Variants in ZC3H3 observed in about 807,000 individuals in gnomAD.
The protein encoded by ZC3H3 is zinc finger CCCH domain-containing protein 3.
A neutral mutation model predicts 77.3 loss-of-function variants in ZC3H3; 36 were observed. That is an observed-to-expected ratio of 0.47 (90% CI 0.36 to 0.61). The LOEUF is 0.61. Ranked by LOEUF, ZC3H3 falls within the 20% of genes least tolerant of loss-of-function variation. The pLI, the probability that ZC3H3 is intolerant of heterozygous loss-of-function variation, is 0.00. For synonymous variants in ZC3H3, 626 were observed against 555.2 expected (o/e 1.13, Z -1.79); for missense variants, 1,331 against 1,312.2 (o/e 1.01, Z -0.22).
At chr8:143,450,878 G>A (rs575468131) in intron 9 of ZC3H3, among the ~76,000 whole-genome samples, 2 of 152,326 alleles carry the variant, frequency 1.3e-5, no homozygotes, top group Admixed American at 6.5e-5. Context: ...ACTGCTAGCT[G>A]TGGATCTGCA....
At position 143,507,812 on chromosome 8, in the gene ZC3H3, G is replaced by A. The variant is rs1402925767; in HGVS notation, c.1649C>T (p.Pro550Leu). Residue 550 changes from proline to leucine, a missense_variant, in exon 4 of 12, where the codon CCT becomes CTT. By Grantham distance (98) the Pro-to-Leu change is moderately conservative (BLOSUM62 -3). Transcript: ENST00000262577. ...CAGGGGGAAGGGCGGGGCGCTGAGAGGCGAGGCCGGCGTCTTCTTGACAAT... is the reference window on the plus strand; with the variant it reads ...CAGGGGGAAGGGCGGGGCGCTGAGAAGCGAGGCCGGCGTCTTCTTGACAAT... Reference protein sequence around the residue: ...YRIVKKTPASPLSAPPFPLSL... With the variant: ...YRIVKKTPASLLSAPPFPLSL... 2.5e-6 allele frequency: 4 copies of A among 1,607,820 alleles called. No homozygotes were observed. Among genetic ancestry groups the A allele is most frequent in the Non-Finnish European group, 3.4e-6 (4 of 1,178,374 alleles).
At chr8:143,532,160 C>T (rs1335738686) in intron 3 of ZC3H3, among the ~76,000 whole-genome samples, 1 of 152,260 alleles carries the variant, frequency 6.6e-6, no homozygotes, top group Non-Finnish European at 1.5e-5. Context: ...GATACTGGCC[C>T]AGCATTAGCA....
intron 4 of ZC3H3, among the ~76,000 whole-genome samples, chr8:143,495,497 C>G (rs1031110897): frequency 6.6e-6 from 1 of 152,210 alleles, no homozygotes; most frequent in African/African-American, 2.4e-5. Flanking sequence ...GGGATGGAGG[C>G]CTCTACCGGG....
chr8:143,510,506 C>T (rs1437792227), intron 3 of ZC3H3, among the ~76,000 whole-genome samples: 1 of 152,260 alleles, frequency 6.6e-6, no homozygotes, highest in East Asian at 1.9e-4. Context: ...GGGCACCCAG[C>T]GACTGGCAGG....
At chr8:143,540,886 G>A (rs1302358524) in intron 1 of ZC3H3, among the ~76,000 whole-genome samples, 2 of 152,150 alleles carry the variant, frequency 1.3e-5, no homozygotes. Flanking sequence ...AACCCAGGAT[G>A]AGGAGATTGC....
intron 4 of ZC3H3, among the ~76,000 whole-genome samples, chr8:143,502,677 C>A (rs1479380850): frequency 6.6e-6 from 1 of 152,230 alleles, no homozygotes; most frequent in Non-Finnish European, 1.5e-5. Flanking sequence ...AAGTGACAAG[C>A]AGTTAGGGAT....
At chr8:143,468,748 G>C in intron 5 of ZC3H3, 89 bp from the exon 6 acceptor site, 2 of 1,461,818 alleles carry the variant, frequency 1.4e-6, no homozygotes, top group South Asian at 2.7e-5. Context: ...AGGCCCTCAG[G>C]GGTCCCAACA....
At chr8:143,499,794 T>G (rs1563862674) in intron 4 of ZC3H3, among the ~76,000 whole-genome samples, 1 of 152,102 alleles carries the variant, frequency 6.6e-6, no homozygotes, top group Non-Finnish European at 1.5e-5. Flanking sequence ...TCAGCACTCT[T>G]GGCAAAGGCC....
intron 9 of ZC3H3, among the ~76,000 whole-genome samples, chr8:143,448,328 C>G (rs946311540): frequency 6.6e-6 from 1 of 151,618 alleles, no homozygotes; most frequent in African/African-American, 2.4e-5. Context: ...AGAGACCAGG[C>G]AAGTCCTTTC....
chr8:143,481,933 C>T (rs1047179365), intron 4 of ZC3H3, among the ~76,000 whole-genome samples: 7 of 152,264 alleles, frequency 4.6e-5, no homozygotes, highest in East Asian at 1.9e-4. Context: ...AGCCCCAGGC[C>T]GGCACTGAGC....
intron 9 of ZC3H3, among the ~76,000 whole-genome samples, chr8:143,451,210 G>A (rs151179068): frequency 5.3e-5 from 8 of 152,204 alleles, no homozygotes; most frequent in Admixed American, 3.9e-4. Context: ...ACAGGAGCCC[G>A]GGGAAAACCT....
At chr8:143,445,321 C>T (rs182104657) in intron 9 of ZC3H3, among the ~76,000 whole-genome samples, 2 of 150,794 alleles carry the variant, frequency 1.3e-5, no homozygotes, top group African/African-American at 4.9e-5. Flanking sequence ...GTGGAGGCTG[C>T]AGTGAGCCCA....
chr8:143,454,343 G>A (rs1431364952), intron 9 of ZC3H3, among the ~76,000 whole-genome samples: 2 of 151,276 alleles, frequency 1.3e-5, no homozygotes. Flanking sequence ...TGCCCACCTT[G>A]GCCTTCCAAA....
In ZC3H3 at chr8:143,491,679, C is replaced by T. The variant is rs192277582; in HGVS notation, c.1715+16067G>A. Reference sequence around the variant, plus strand: ...CTGGACTCACGGGTCCCTCTGCCACCGTCGCCCAGCAGGCCATGCTCTCAC... The same window carrying T: ...CTGGACTCACGGGTCCCTCTGCCACTGTCGCCCAGCAGGCCATGCTCTCAC... On this transcript the variant is annotated intron_variant, in intron 4 of 11. Transcript: ENST00000262577. Among the ~76,000 whole-genome samples the T allele has an allele frequency of 1.8e-3, 276 of 152,366 alleles. 1 individual carries two copies. The highest frequency in any genetic ancestry group is 6.5e-3 in the African/African-American group (269 of 41,588).
intron 3 of ZC3H3, among the ~76,000 whole-genome samples, chr8:143,529,361 G>A (rs1445378543): frequency 6.6e-6 from 1 of 152,186 alleles, no homozygotes; most frequent in Non-Finnish European, 1.5e-5. Context: ...CCACAGCACG[G>A]GCTGGGTGCA....
At chr8:143,456,008 A>T (rs975455984) in intron 9 of ZC3H3, among the ~76,000 whole-genome samples, 1 of 146,998 alleles carries the variant, frequency 6.8e-6, no homozygotes. Flanking sequence ...AAAAAGACTT[A>T]AAAAAGCGTT....
chr8:143,463,192 C>T (rs1820312457), intron 9 of ZC3H3, among the ~76,000 whole-genome samples: 1 of 152,112 alleles, frequency 6.6e-6, no homozygotes, highest in Admixed American at 6.5e-5. Flanking sequence ...ACCATGTTGG[C>T]CAAGCTGGTT....
At chr8:143,520,227 G>A (rs1206837134) in intron 3 of ZC3H3, among the ~76,000 whole-genome samples, 1 of 152,224 alleles carries the variant, frequency 6.6e-6, no homozygotes, top group African/African-American at 2.4e-5. Flanking sequence ...CCCCTCAACA[G>A]AACAAAGAAG....
intron 9 of ZC3H3, among the ~76,000 whole-genome samples, chr8:143,450,137 T>C (rs1819952746): frequency 2.0e-5 from 3 of 152,242 alleles, no homozygotes; most frequent in Admixed American, 1.3e-4. Flanking sequence ...CAATTTTCTA[T>C]ATTAGTCCAT....
Sources: gnomAD v4.1 joint callset for allele counts (sites outside exome capture counted in the v4.1 genomes callset) on GRCh38, gnomAD v4.1.1 for gene constraint, MANE v1.5 for transcripts, NCBI Gene and HGNC (gene_info 2026-07-23, HGNC 2026-07-21) for gene names.